Variants in IGSF9B observed in about 807,000 individuals in gnomAD.
IGSF9B encodes the protein protein turtle homolog B.
IGSF9B carries 48 observed loss-of-function variants against 143.7 expected under a neutral mutation model. The observed-to-expected ratio is 0.33, with a 90% CI of 0.26 to 0.42. IGSF9B has a LOEUF of 0.42. IGSF9B is among the 20% of genes least tolerant of loss of function. IGSF9B has a pLI of 1.00. For missense variants in IGSF9B, 1,706 were observed against 1,980.0 expected (o/e 0.86, Z 2.63); for synonymous variants, 903 against 833.1 (o/e 1.08, Z -1.44).
chr11:133,941,417 T>C (rs942064574), intron 3 of IGSF9B, among the ~76,000 whole-genome samples: 1 of 152,232 alleles, frequency 6.6e-6, no homozygotes. Flanking sequence ...ATTCTAATTG[T>C]TCACTGGCCT....
chr11:133,904,841 A>C lies in IGSF9B; in HGVS notation c.*4228T>G, dbSNP rs1939188907. 6.6e-6 allele frequency among the ~76,000 whole-genome samples: 1 copy of C among 150,470 alleles called. No individual in the cohort carries two copies. The highest frequency in any genetic ancestry group is 1.5e-5 in the Non-Finnish European group (1 of 67,680). On this transcript the variant is annotated 3_prime_UTR_variant, in exon 20 of 20. Transcript: ENST00000533871. ...GTTCTCCAACTCCCCCTCCTGAAACACCAGTGCCCCATCCATTACCCTAGT... is the reference window on the plus strand; with the variant it reads ...GTTCTCCAACTCCCCCTCCTGAAACCCCAGTGCCCCATCCATTACCCTAGT...
intron 18 of IGSF9B, among the ~76,000 whole-genome samples, chr11:133,918,030 G>A (rs1266006941): frequency 6.6e-6 from 1 of 151,048 alleles, no homozygotes. Flanking sequence ...GGCTCTAGAG[G>A]GGCCGGACAT....
In IGSF9B at chr11:133,948,617, CTGTGTGTGTGTGTGTGTGTG is replaced by C. The variant is rs59414581; in HGVS notation, c.65-2379_65-2360del. On this transcript the variant is annotated intron_variant, in intron 1 of 19. Transcript: ENST00000533871. The surrounding 1 kb of genome is among the most constrained non-coding windows in gnomAD (Gnocchi z 4.7). ...TGGGTGCCATGAGTTTGCAGAGAAG[CTGTGTGTGTGTGTGTGTGTG>C]TGTGTGTGTGTGTGTGTGTGTGTGT... is the stretch of plus-strand genomic sequence containing the variant. Among the ~76,000 whole-genome samples, 8 of 140,998 alleles carry C rather than the reference CTGTGTGTGTGTGTGTGTGTG, an allele frequency of 5.7e-5. No individual in the cohort carries two copies. Among genetic ancestry groups the C allele is most frequent in the Admixed American group, 1.4e-4 (2 of 14,356 alleles). The allele number at this position is 140,998 out of a possible 152,430, so 92.5% of individuals were successfully genotyped here.
chr11:133,933,459 A>C (rs1939769763), intron 7 of IGSF9B, among the ~76,000 whole-genome samples: 1 of 152,212 alleles, frequency 6.6e-6, no homozygotes, highest in Admixed American at 6.5e-5. Flanking sequence ...TGAAATGCTG[A>C]ATCAGGCCAG....
intron 1 of IGSF9B, among the ~76,000 whole-genome samples, chr11:133,952,471 C>T (rs973889689): frequency 1.3e-5 from 2 of 152,158 alleles, no homozygotes; most frequent in Non-Finnish European, 2.9e-5. Flanking sequence ...GGCTGCAGCA[C>T]GGAGAGGAGT....
chr11:133,911,797 A>C, intron 19 of IGSF9B, 89 bp downstream of exon 19: 1 of 1,311,034 alleles, frequency 7.6e-7, no homozygotes, highest in Non-Finnish European at 9.9e-7. Context: ...TGAGCCCAAT[A>C]ACCCTCCTGA....
rs1197490326 is a variant in IGSF9B at position 133,908,641 on chromosome 11, T to A, written c.*428A>T. ...CACACTACAGACATATGCATCTGTA[T>A]CTATATCTATATATATGTGGGGTGT... On this transcript the variant is annotated 3_prime_UTR_variant, in exon 20 of 20. Coordinates refer to ENST00000533871, the MANE Select transcript of IGSF9B (RefSeq NM_001277285.4). 5.8e-6 allele frequency: 1 copy of A among 173,238 alleles called. No individual in the cohort carries two copies. Among genetic ancestry groups the A allele is most frequent in the African/African-American group, 2.4e-5 (1 of 42,038 alleles). The allele number at this position is 173,238 out of a possible 1,614,324, so 10.7% of individuals were successfully genotyped here. A position where few individuals can be genotyped will look rare whatever the true frequency, so the allele number is the denominator to read the frequency against.
At position 133,903,214 on chromosome 11, in the gene IGSF9B, G is replaced by C; in HGVS notation, c.*5855C>G. Among the ~76,000 whole-genome samples, 1 of 152,106 alleles carries C rather than the reference G, an allele frequency of 6.6e-6. No individual in the cohort carries two copies. The highest frequency in any genetic ancestry group is 1.9e-4 in the East Asian group (1 of 5,188). On this transcript the variant is annotated 3_prime_UTR_variant, in exon 20 of 20. Transcript: ENST00000533871. The stretch of plus-strand genomic sequence containing the variant: ...GGAAATCCAGTGCCACAGAGAGGTA[G>C]GATTGGTGGAGCACACTTCTTCAAG...
intron 18 of IGSF9B, chr11:133,918,977 A>T: frequency 2.1e-6 from 1 of 472,914 alleles, no homozygotes; most frequent in South Asian, 1.5e-5. Flanking sequence ...GGCAGGGAAG[A>T]AGGATGAGAG....
chr11:133,913,654 C>T lies in IGSF9B; in HGVS notation c.3984-1647G>A, dbSNP rs1393578245. ...TGCACACACAGGCACACACAGCCCT[C>T]TTGTGAAGAAGTGGCCAAACATGCC... On this transcript the variant is annotated intron_variant, in intron 18 of 19. Transcript: ENST00000533871. The surrounding 1 kb of genome is among the most constrained non-coding windows in gnomAD (Gnocchi z 4.6). Among the ~76,000 whole-genome samples the T allele has an allele frequency of 6.6e-6, 1 of 152,216 alleles. No individual in the cohort carries two copies. The highest frequency in any genetic ancestry group is 6.5e-5 in the Admixed American group (1 of 15,288).
chr11:133,937,415 G>C lies in IGSF9B; in HGVS notation c.640C>G (p.Gln214Glu). Residue 214 changes from glutamine (Q) to glutamate (E), a missense_variant, in exon 5 of 20, where the codon CAG becomes GAG. This residue lies in a region of IGSF9B where 238 missense variants were observed against 452.6 expected (regional missense o/e 0.53). Transcript: ENST00000533871. Reference sequence around the variant, plus strand: ...TGAGTCGTGTGGACAGCCTCCCCCTGAATGCTGTACGCTCGGCAGGTGTAG... The same window carrying C: ...TGAGTCGTGTGGACAGCCTCCCCCTCAATGCTGTACGCTCGGCAGGTGTAG... Reference protein sequence around the residue: ...GAYTCRAYSIQGEAVHTTHLL... With the variant: ...GAYTCRAYSIEGEAVHTTHLL... The C allele has an allele frequency of 1.2e-6, 2 of 1,613,740 alleles. No individual in the cohort carries two copies. Among genetic ancestry groups the C allele is most frequent in the Non-Finnish European group, 1.7e-6 (2 of 1,179,678 alleles).
intron 16 of IGSF9B, 33 bp downstream of exon 16, chr11:133,922,536 C>G (rs1427997420): frequency 1.3e-6 from 2 of 1,595,334 alleles, no homozygotes; most frequent in Non-Finnish European, 1.7e-6. Context: ...GAAACCGGGC[C>G]AGGGAGAGCA....
chr11:133,930,574 C>T (rs1031105780), intron 11 of IGSF9B, among the ~76,000 whole-genome samples: 1 of 152,184 alleles, frequency 6.6e-6, no homozygotes. Context: ...GCCCAGCCTC[C>T]GCACGCCAGG....
rs1463719381 is a variant in IGSF9B, at chr11:133,932,013, G to C, written c.1110+58C>G. 14 of 1,559,838 alleles carry C rather than the reference G, an allele frequency of 9.0e-6. No homozygotes were observed. In the East Asian group the frequency reaches 3.2e-4, roughly 35 times the overall value. Reference sequence around the variant, plus strand: ...GGCAGAAATCCAGAGCCCAGAGGTGGCATCACAGTACTGGGGGGAGCCCTC... The same window carrying C: ...GGCAGAAATCCAGAGCCCAGAGGTGCCATCACAGTACTGGGGGGAGCCCTC... On this transcript the variant is annotated intron_variant, in intron 8 of 19. Coordinates refer to ENST00000533871, the MANE Select transcript of IGSF9B (RefSeq NM_001277285.4).
chr11:133,937,570 T>A, intron 4 of IGSF9B, 77 bp from the exon 5 acceptor site: 1 of 1,210,820 alleles, frequency 8.3e-7, no homozygotes, highest in Non-Finnish European at 1.2e-6. Context: ...GGAGATGCAG[T>A]CGGAGACACT....
At position 133,924,883 on chromosome 11, in the gene IGSF9B, C is replaced by T. The variant is rs574990325; in HGVS notation, c.2056G>A (p.Val686Ile). ...ATCAGATCCTGCATGACGGCCAGAACCCGGAACTCATACCACGTGTCCTGC... is the reference window on the plus strand; with the variant it reads ...ATCAGATCCTGCATGACGGCCAGAATCCGGAACTCATACCACGTGTCCTGC... Reference protein sequence around the residue: ...LSQDTWYEFRVLAVMQDLISE... With the variant: ...LSQDTWYEFRILAVMQDLISE... The change falls in exon 15 of 20, where the codon GTT becomes ATT. Residue 686 changes from valine (V) to isoleucine (I), a missense_variant. This residue lies in a region of IGSF9B where 267 missense variants were observed against 321.1 expected (regional missense o/e 0.83). Transcript: ENST00000533871. 1.9e-6 allele frequency: 3 copies of T among 1,613,768 alleles called. No individual in the cohort carries two copies. The highest frequency in any genetic ancestry group is 1.7e-6 in the Non-Finnish European group (2 of 1,179,894).
chr11:133,915,656 A>G (rs768443405), intron 18 of IGSF9B, among the ~76,000 whole-genome samples: 7 of 152,216 alleles, frequency 4.6e-5, no homozygotes, highest in Non-Finnish European at 7.3e-5. Flanking sequence ...GGAAAGATGC[A>G]GCCAGGTCAA....
chr11:133,919,120 G>GGGA (rs1555086490), intron 18 of IGSF9B: 3 of 349,248 alleles, frequency 8.6e-6, no homozygotes, highest in South Asian at 3.9e-5. Flanking sequence ...GAGGTATACG[G>GGGA]GGGGGGGGTG....
intron 13 of IGSF9B, 151 bp downstream of exon 13, chr11:133,926,765 A>G: frequency 1.6e-6 from 1 of 617,094 alleles, no homozygotes; most frequent in Non-Finnish European, 2.8e-6. Context: ...AGAGACCACA[A>G]CAAATCCTCA....
Sources: allele counts gnomAD v4.1 joint callset (sites outside exome capture counted in the v4.1 genomes callset), GRCh38; gene constraint gnomAD v4.1.1; regional missense constraint gnomAD v4.1.1; non-coding constraint Gnocchi (gnomAD v3.1); transcripts MANE v1.5; gene names NCBI Gene and HGNC (gene_info 2026-07-23, HGNC 2026-07-21).